Variants in DPYSL2 observed in about 807,000 individuals in gnomAD.
The protein encoded by DPYSL2 is dihydropyrimidinase like 2.
A neutral mutation model predicts 69.9 loss-of-function variants in DPYSL2; 13 were observed. The ratio of observed to expected loss-of-function variants is 0.19; its 90% CI spans 0.12 to 0.30. The LOEUF is 0.30. DPYSL2 is among the 10% of genes least tolerant of loss of function. The pLI, the probability that DPYSL2 is intolerant of heterozygous loss-of-function variation, is 1.00. For synonymous variants in DPYSL2, 326 were observed against 359.1 expected, an observed-to-expected ratio of 0.91 and a Z score of 1.04; for missense variants, 587 against 918.9, an observed-to-expected ratio of 0.64 and a Z score of 4.67.
chr8:26,620,183 G>A lies in DPYSL2; in HGVS notation c.629-3960G>A, dbSNP rs527873241. ...TTGTAAGGCTTTAGATGGCTTGCTT[G>A]AGCCTTGCAATGGGAATGAGTGCCT... On this transcript the variant is annotated intron_variant, in intron 3 of 13. Coordinates refer to ENST00000521913, the MANE Select transcript of DPYSL2 (RefSeq NM_001197293.3). The surrounding 1 kb of genome is among the most constrained non-coding windows in gnomAD (Gnocchi z 4.5). 1.2e-4 allele frequency among the ~76,000 whole-genome samples: 18 copies of A among 152,138 alleles called. No homozygotes were observed. The highest frequency in any genetic ancestry group is 2.2e-4 in the Non-Finnish European group (15 of 68,034).
At position 26,585,431 on chromosome 8, in the gene DPYSL2, G is replaced by A. The variant is rs2129746855; in HGVS notation, c.628+1448G>A. Among the ~76,000 whole-genome samples the A allele has an allele frequency of 6.6e-6, 1 of 152,182 alleles. No individual in the cohort carries two copies. Among genetic ancestry groups the A allele is most frequent in the Admixed American group, 6.5e-5 (1 of 15,282 alleles). ...TGGCCCTCAGGGTCTGAAGCATCAG[G>A]AACAGCTCTCTCCTGTTTCAGCTTT... On this transcript the variant is annotated intron_variant, in intron 3 of 13. Coordinates refer to ENST00000521913, the MANE Select transcript of DPYSL2 (RefSeq NM_001197293.3). The surrounding 1 kb of genome is among the most constrained non-coding windows in gnomAD (Gnocchi z 4.0).
intron 7 of DPYSL2, among the ~76,000 whole-genome samples, chr8:26,632,778 G>A (rs1306705609): frequency 6.6e-6 from 1 of 152,224 alleles, no homozygotes; most frequent in Admixed American, 6.5e-5. Context: ...GTCCCCGCCT[G>A]GTGCTGCCGG....
rs1264429903 is a variant in DPYSL2 at position 26,620,926 on chromosome 8, C to T, written c.629-3217C>T. Among the ~76,000 whole-genome samples, 1 of 152,158 alleles carries T rather than the reference C, an allele frequency of 6.6e-6. No homozygotes were observed. Among genetic ancestry groups the T allele is most frequent in the Non-Finnish European group, 1.5e-5 (1 of 68,032 alleles). On this transcript the variant is annotated intron_variant, in intron 3 of 13. Transcript: ENST00000521913. The surrounding 1 kb of genome is among the most constrained non-coding windows in gnomAD (Gnocchi z 4.5). Reference sequence around the variant, plus strand: ...CACACACATATGTACACACTTGCATCCACATCTACATACACATATTTTACA... The same window carrying T: ...CACACACATATGTACACACTTGCATTCACATCTACATACACATATTTTACA...
intron 1 of DPYSL2, among the ~76,000 whole-genome samples, chr8:26,521,078 A>G (rs1808376710): frequency 6.6e-6 from 1 of 152,198 alleles, no homozygotes; most frequent in Admixed American, 6.5e-5. Flanking sequence ...CAATCATGAA[A>G]TACAAGCAAA....
In DPYSL2 at chr8:26,648,553, C is replaced by T. The variant is rs551209302; in HGVS notation, c.1596+753C>T. ...GTTGTTAGACACTGCCGATTCCTCA[C>T]AAGCAACATGGTATAGGCAGAAAAA... On this transcript the variant is annotated intron_variant, in intron 11 of 13. Coordinates refer to ENST00000521913, the MANE Select transcript of DPYSL2 (RefSeq NM_001197293.3). The surrounding 1 kb of genome is among the most constrained non-coding windows in gnomAD (Gnocchi z 4.3). 9.1e-4 allele frequency among the ~76,000 whole-genome samples: 139 copies of T among 152,340 alleles called. No homozygotes were observed. Among genetic ancestry groups the T allele is most frequent in the African/African-American group, 3.2e-3 (135 of 41,572 alleles).
chr8:26,607,322 TA>T lies in DPYSL2; in HGVS notation c.629-16816del, dbSNP rs1802128085. Among the ~76,000 whole-genome samples the T allele has an allele frequency of 2.1e-5, 3 of 144,818 alleles. No individual in the cohort carries two copies. In the South Asian group the frequency reaches 6.6e-4, roughly 32 times the overall value. On this transcript the variant is annotated intron_variant, in intron 3 of 13. Coordinates refer to ENST00000521913, the MANE Select transcript of DPYSL2 (RefSeq NM_001197293.3). ...CAATATGGTGAAACCCCATCTCTAC[TA>T]AAAATACAAAAATTAACCGGGCATG...
rs1803187758 is a variant in DPYSL2 at position 26,647,265 on chromosome 8, T to C, written c.1426-365T>C. ...CACTGACAGTGTCACAATGTGTGGG[T>C]ATAGCTCTAGGCTGTGTGGCCACCT... On this transcript the variant is annotated intron_variant, in intron 10 of 13. Coordinates refer to ENST00000521913, the MANE Select transcript of DPYSL2 (RefSeq NM_001197293.3). The surrounding 1 kb of genome is among the most constrained non-coding windows in gnomAD (Gnocchi z 5.1). 6.6e-6 allele frequency among the ~76,000 whole-genome samples: 1 copy of C among 152,160 alleles called. No homozygotes were observed. Among genetic ancestry groups the C allele is most frequent in the African/African-American group, 2.4e-5 (1 of 41,428 alleles).
chr8:26,592,079 G>C (rs970226327), intron 3 of DPYSL2, among the ~76,000 whole-genome samples: 2 of 152,142 alleles, frequency 1.3e-5, no homozygotes, highest in Non-Finnish European at 2.9e-5. Flanking sequence ...CCTAGGTTTG[G>C]GTTGGTTTTC....
At chr8:26,595,031 TC>T (rs1801827487) in intron 3 of DPYSL2, among the ~76,000 whole-genome samples, 1 of 151,796 alleles carries the variant, frequency 6.6e-6, no homozygotes, top group African/African-American at 2.4e-5. Context: ...CCAAAATCAA[TC>T]AATCAATCAA....
intron 1 of DPYSL2, among the ~76,000 whole-genome samples, chr8:26,572,078 C>G (rs78242671): frequency 0.019 from 2,926 of 152,304 alleles, 93 homozygotes; most frequent in African/African-American, 0.066. Flanking sequence ...AATTGCAGCA[C>G]TCTGGGCATT....
chr8:26,645,250 T>G (rs1803136050), intron 10 of DPYSL2, among the ~76,000 whole-genome samples: 1 of 151,822 alleles, frequency 6.6e-6, no homozygotes, highest in Non-Finnish European at 1.5e-5. Flanking sequence ...AATACAAAAA[T>G]TAGTGAGGCA....
At position 26,626,900 on chromosome 8, in the gene DPYSL2, C is replaced by T. The variant is rs879645338; in HGVS notation, c.855+222C>T. Among the ~76,000 whole-genome samples, 2 of 152,172 alleles carry T rather than the reference C, an allele frequency of 1.3e-5. No homozygotes were observed. The highest frequency in any genetic ancestry group is 6.5e-5 in the Admixed American group (1 of 15,280). On this transcript the variant is annotated intron_variant, in intron 5 of 13. Transcript: ENST00000521913. This position sits in a 1 kb window ranked among gnomAD's most constrained non-coding sequence, Gnocchi z 4.3. ...CCGCCCTGGATCTGAGGCTCTGCCCCGCACGGCGTGTGTGGGAGCGGCACT... is the reference window on the plus strand; with the variant it reads ...CCGCCCTGGATCTGAGGCTCTGCCCTGCACGGCGTGTGTGGGAGCGGCACT...
intron 3 of DPYSL2, among the ~76,000 whole-genome samples, chr8:26,595,240 A>G (rs1312589655): frequency 6.6e-6 from 1 of 151,996 alleles, no homozygotes; most frequent in Non-Finnish European, 1.5e-5. Flanking sequence ...GGTATAATGT[A>G]GCTTATAGGG....
intron 1 of DPYSL2, among the ~76,000 whole-genome samples, chr8:26,556,155 ATATAG>A (rs376140811): frequency 1.4e-3 from 5 of 3,628 alleles, no homozygotes; most frequent in Non-Finnish European, 3.2e-3. Flanking sequence ...TATATACTAT[ATATAG>A]TATATACTAT....
chr8:26,647,357 C>T lies in DPYSL2; in HGVS notation c.1426-273C>T, dbSNP rs561757916. 6.6e-6 allele frequency among the ~76,000 whole-genome samples: 1 copy of T among 152,314 alleles called. No homozygotes were observed. Among genetic ancestry groups the T allele is most frequent in the South Asian group, 2.1e-4 (1 of 4,826 alleles). ...AGTCCAGCATTTCAGAGACCAACCT[C>T]TTGCTGCTCCTCCCCTCCACCCTCC... On this transcript the variant is annotated intron_variant, in intron 10 of 13. Transcript: ENST00000521913. This position sits in a 1 kb window ranked among gnomAD's most constrained non-coding sequence, Gnocchi z 5.1.
At chr8:26,573,304 C>T (rs978870262) in intron 1 of DPYSL2, among the ~76,000 whole-genome samples, 2 of 152,032 alleles carry the variant, frequency 1.3e-5, no homozygotes, top group Admixed American at 1.3e-4. Context: ...GCAGGCAGAT[C>T]CTGAGGTCAG....
chr8:26,582,178 T>A lies in DPYSL2; in HGVS notation c.443+121T>A. ...ACATCAGAGAGTGACCAACTTAGTATCTGTTTTAAACTGGTTTTGATTGGT... is the reference window on the plus strand; with the variant it reads ...ACATCAGAGAGTGACCAACTTAGTAACTGTTTTAAACTGGTTTTGATTGGT... On this transcript the variant is annotated intron_variant, in intron 2 of 13. Coordinates refer to ENST00000521913, the MANE Select transcript of DPYSL2 (RefSeq NM_001197293.3). This position sits in a 1 kb window ranked among gnomAD's most constrained non-coding sequence, Gnocchi z 4.1. The A allele has an allele frequency of 1.3e-6, 1 of 754,018 alleles. No individual in the cohort carries two copies. Among genetic ancestry groups the A allele is most frequent in the Non-Finnish European group, 2.2e-6 (1 of 462,422 alleles). 46.7% of individuals were successfully genotyped at this position (754,018 alleles called of 1,614,324 possible). A position where few individuals can be genotyped will look rare whatever the true frequency, so the allele number is the denominator to read the frequency against.
At chr8:26,528,653 AAAAG>A (rs963045918) in intron 1 of DPYSL2, among the ~76,000 whole-genome samples, 16 of 151,902 alleles carry the variant, frequency 1.1e-4, no homozygotes, top group Non-Finnish European at 2.1e-4. Flanking sequence ...CTAAAAAAAA[AAAAG>A]AAAGAAAAGA....
chr8:26,628,073 G>A, intron 7 of DPYSL2, 133 bp downstream of exon 7: 1 of 867,008 alleles, frequency 1.2e-6, no homozygotes, highest in Non-Finnish European at 1.8e-6. Flanking sequence ...AGAAGCTGTG[G>A]GTCACGTGTG....
Sources: allele counts gnomAD v4.1 joint callset (sites outside exome capture counted in the v4.1 genomes callset), GRCh38; gene constraint gnomAD v4.1.1; non-coding constraint Gnocchi (gnomAD v3.1); transcripts MANE v1.5; gene names NCBI Gene and HGNC (gene_info 2026-07-23, HGNC 2026-07-21).